Variants in ERC1 observed in about 807,000 individuals in gnomAD.
The protein encoded by ERC1 is RAB6 interacting protein 2.
Under a neutral mutation model 132.0 loss-of-function variants are expected in ERC1, and 56 were observed. The observed-to-expected ratio is 0.42, with a 90% CI of 0.34 to 0.53. ERC1 has a LOEUF of 0.53. Among genes scored for constraint, ERC1 ranks in the 20% least tolerant of loss-of-function variants. ERC1 has a pLI of 0.03. For synonymous variants in ERC1, 478 were observed against 476.1 expected, an observed-to-expected ratio of 1.00 and a Z score of -0.05; for missense variants, 1,202 against 1,349.9, an observed-to-expected ratio of 0.89 and a Z score of 1.72.
intron 13 of ERC1, among the ~76,000 whole-genome samples, chr12:1,254,872 A>G (rs781441223): frequency 1.3e-5 from 2 of 152,150 alleles, no homozygotes; most frequent in African/African-American, 2.4e-5. Context: ...GAATGATCAA[A>G]TCAGGCTAAT....
chr12:1,338,315 T>A (rs2154360883), intron 15 of ERC1, among the ~76,000 whole-genome samples: 1 of 152,350 alleles, frequency 6.6e-6, no homozygotes, highest in Middle Eastern at 3.4e-3. Flanking sequence ...ATCCTCACCT[T>A]GGTCTATTCT....
intron 18 of ERC1, among the ~76,000 whole-genome samples, chr12:1,484,267 T>C (rs1255540043): frequency 6.6e-6 from 1 of 150,956 alleles, no homozygotes; most frequent in Non-Finnish European, 1.5e-5. Flanking sequence ...ATCGCACCAC[T>C]GCACTCCAGC....
intron 7 of ERC1, among the ~76,000 whole-genome samples, chr12:1,124,596 C>A (rs1947939162): frequency 1.5e-5 from 1 of 68,202 alleles, no homozygotes; most frequent in Admixed American, 1.9e-4. Context: ...GTGTTCAAAT[C>A]AGGAAACTTA....
At chr12:1,441,023 A>G (rs550283439) in intron 17 of ERC1, among the ~76,000 whole-genome samples, 33 of 151,950 alleles carry the variant, frequency 2.2e-4, no homozygotes, top group African/African-American at 7.2e-4. Flanking sequence ...TATTTAATCA[A>G]TTAGCCATCA....
intron 1 of ERC1, among the ~76,000 whole-genome samples, chr12:1,007,479 TC>T (rs1332774786): frequency 0.012 from 1,881 of 151,338 alleles, 47 homozygotes; most frequent in African/African-American, 0.042. Context: ...TCTCTCTCTC[TC>T]TCTCTCTCTC....
At chr12:1,381,251 T>C (rs117858498) in intron 16 of ERC1, 1 of 152,334 alleles carries the variant, frequency 6.6e-6, no homozygotes, top group Non-Finnish European at 1.5e-5. Context: ...ATGAAAACTT[T>C]GGTTAGAATA....
At chr12:1,271,960 G>A (rs2077886567) in intron 14 of ERC1, among the ~76,000 whole-genome samples, 1 of 152,192 alleles carries the variant, frequency 6.6e-6, no homozygotes. Flanking sequence ...GAAGTGATAG[G>A]TTAGGTACAG....
At chr12:1,101,117 T>C (rs2154197619) in intron 3 of ERC1, among the ~76,000 whole-genome samples, 1 of 152,242 alleles carries the variant, frequency 6.6e-6, no homozygotes, top group East Asian at 1.9e-4. Context: ...CCTGATGAAT[T>C]GCATAGATGA....
At chr12:1,484,279 T>G (rs1470633011) in intron 18 of ERC1, among the ~76,000 whole-genome samples, 6 of 151,558 alleles carry the variant, frequency 4.0e-5, no homozygotes, top group East Asian at 4.0e-4. Flanking sequence ...CACTCCAGCC[T>G]GGTGACAGAG....
At chr12:994,063 T>G (rs1737252825) in intron 1 of ERC1, among the ~76,000 whole-genome samples, 1 of 57,624 alleles carries the variant, frequency 1.7e-5, no homozygotes, top group African/African-American at 9.2e-5. Flanking sequence ...CAAAACTCCG[T>G]CTCAAAAAAA....
At chr12:1,276,291 C>A (rs997736763) in intron 14 of ERC1, among the ~76,000 whole-genome samples, 7 of 150,480 alleles carry the variant, frequency 4.7e-5, no homozygotes, top group Admixed American at 2.7e-4. Flanking sequence ...GGCTGGAGTG[C>A]AGTGGCGTGA....
chr12:1,070,434 C>G (rs1940131016), intron 2 of ERC1, among the ~76,000 whole-genome samples: 1 of 151,824 alleles, frequency 6.6e-6, no homozygotes, highest in African/African-American at 2.4e-5. Flanking sequence ...ACTATAGATG[C>G]ATGCCACTGT....
intron 14 of ERC1, among the ~76,000 whole-genome samples, chr12:1,287,568 C>G (rs1252131062): frequency 1.3e-5 from 2 of 152,160 alleles, no homozygotes; most frequent in Non-Finnish European, 2.9e-5. Context: ...CTGATCTTTC[C>G]CAAGTGAGAG....
chr12:1,319,803 A>G (rs900340248), intron 15 of ERC1, among the ~76,000 whole-genome samples: 1 of 152,180 alleles, frequency 6.6e-6, no homozygotes, highest in Admixed American at 6.5e-5. Flanking sequence ...TGTGCTTGGC[A>G]TATTTAAATT....
At chr12:1,416,588 G>C (rs1464755742) in intron 17 of ERC1, among the ~76,000 whole-genome samples, 1 of 152,198 alleles carries the variant, frequency 6.6e-6, no homozygotes, top group Non-Finnish European at 1.5e-5. Context: ...GCTTTACAGA[G>C]AATTAAAGTA....
At chr12:1,325,530 T>G (rs2082387069) in intron 15 of ERC1, among the ~76,000 whole-genome samples, 1 of 152,192 alleles carries the variant, frequency 6.6e-6, no homozygotes, top group African/African-American at 2.4e-5. Flanking sequence ...GAATGAGGCA[T>G]GTTTCATAAA....
chr12:1,239,293 C>T (rs1423637217), intron 13 of ERC1, among the ~76,000 whole-genome samples: 1 of 152,078 alleles, frequency 6.6e-6, no homozygotes. Flanking sequence ...TGGCTCCACA[C>T]GAACCTCCTG....
At chr12:1,470,299 T>C (rs1467267927) in intron 18 of ERC1, among the ~76,000 whole-genome samples, 1 of 151,964 alleles carries the variant, frequency 6.6e-6, no homozygotes, top group Non-Finnish European at 1.5e-5. Flanking sequence ...CCTTCTCTCT[T>C]CCTGCCTGGC....
intron 16 of ERC1, among the ~76,000 whole-genome samples, chr12:1,394,875 C>G (rs926682233): frequency 2.0e-5 from 3 of 152,200 alleles, no homozygotes; most frequent in African/African-American, 7.2e-5. Flanking sequence ...CACTCAGCCA[C>G]TCAGATAACC....
Sources: gnomAD v4.1 joint callset for allele counts (sites outside exome capture counted in the v4.1 genomes callset) on GRCh38, gnomAD v4.1.1 for gene constraint, MANE v1.5 for transcripts, NCBI Gene and HGNC (gene_info 2026-07-23, HGNC 2026-07-21) for gene names.